Variants in CTNNA3 observed in about 807,000 individuals in gnomAD.
CTNNA3 encodes the protein catenin alpha-3.
Under a neutral mutation model 95.7 loss-of-function variants are expected in CTNNA3, and 76 were observed. The ratio of observed to expected loss-of-function variants is 0.79; its 90% CI spans 0.66 to 0.96. CTNNA3 has a LOEUF of 0.96. CTNNA3 is among the 40% of genes least tolerant of loss of function. The pLI, the probability that CTNNA3 is intolerant of heterozygous loss-of-function variation, is 0.00. For missense variants in CTNNA3, 1,191 were observed against 1,089.8 expected (o/e 1.09, Z -1.31); for synonymous variants, 431 against 374.4 (o/e 1.15, Z -1.74).
At chr10:67,010,267 T>C (rs1852235792) in intron 7 of CTNNA3, among the ~76,000 whole-genome samples, 1 of 152,226 alleles carries the variant, frequency 6.6e-6, no homozygotes, top group Non-Finnish European at 1.5e-5. Context: ...TAATTGTATG[T>C]AGGCAAATAT....
intron 13 of CTNNA3, among the ~76,000 whole-genome samples, chr10:66,108,111 T>C (rs939606526): frequency 5.3e-5 from 8 of 152,038 alleles, no homozygotes; most frequent in African/African-American, 9.7e-5. Context: ...GCTGAGGTAG[T>C]AACGTAGGAT....
At chr10:66,443,984 C>A (rs183337980) in intron 11 of CTNNA3, among the ~76,000 whole-genome samples, 9 of 152,004 alleles carry the variant, frequency 5.9e-5, no homozygotes, top group Non-Finnish European at 4.4e-5. Flanking sequence ...CTTAAAGGAG[C>A]TGATGGAGTT....
intron 7 of CTNNA3, among the ~76,000 whole-genome samples, chr10:66,870,115 C>G (rs1159546945): frequency 1.3e-5 from 2 of 152,120 alleles, no homozygotes; most frequent in Non-Finnish European, 2.9e-5. Flanking sequence ...CTTGGCCAAG[C>G]ACCTAGGCCA....
intron 14 of CTNNA3, among the ~76,000 whole-genome samples, chr10:66,082,721 C>G (rs1422845157): frequency 1.3e-5 from 2 of 151,888 alleles, no homozygotes; most frequent in Non-Finnish European, 2.9e-5. Context: ...AAAATTACTT[C>G]AAAATAAAAA....
chr10:66,349,774 T>C (rs1336300773), intron 12 of CTNNA3, among the ~76,000 whole-genome samples: 1 of 152,046 alleles, frequency 6.6e-6, no homozygotes, highest in African/African-American at 2.4e-5. Context: ...AATAAGGTGG[T>C]TTTATGGTCA....
At chr10:67,280,368 C>T (rs769755721) in intron 5 of CTNNA3, among the ~76,000 whole-genome samples, 1 of 141,812 alleles carries the variant, frequency 7.1e-6, no homozygotes, top group Non-Finnish European at 1.6e-5. Flanking sequence ...CATTTACAAG[C>T]TAATTTCTGT....
At chr10:66,191,263 A>C (rs1382545491) in intron 13 of CTNNA3, among the ~76,000 whole-genome samples, 5 of 152,128 alleles carry the variant, frequency 3.3e-5, no homozygotes, top group Non-Finnish European at 7.4e-5. Flanking sequence ...TTGGAACAGA[A>C]ATAAGGGTCT....
chr10:65,939,264 G>T (rs2077391048), intron 17 of CTNNA3, among the ~76,000 whole-genome samples: 1 of 152,108 alleles, frequency 6.6e-6, no homozygotes, highest in Non-Finnish European at 1.5e-5. Flanking sequence ...TTTGGCTACC[G>T]AATAATTTTT....
chr10:67,655,566 A>G (rs1190648897), intron 1 of CTNNA3, among the ~76,000 whole-genome samples: 1 of 152,202 alleles, frequency 6.6e-6, no homozygotes, highest in African/African-American at 2.4e-5. Context: ...CCAGCCTTCC[A>G]CTACAATCTC....
intron 15 of CTNNA3, among the ~76,000 whole-genome samples, chr10:66,024,801 T>C (rs1427639807): frequency 1.3e-5 from 2 of 152,010 alleles, no homozygotes; most frequent in Non-Finnish European, 2.9e-5. Context: ...CACGAGTAAA[T>C]AAAAGTATTG....
chr10:67,079,698 A>T (rs1310333706), intron 7 of CTNNA3, among the ~76,000 whole-genome samples: 1 of 151,966 alleles, frequency 6.6e-6, no homozygotes, highest in Non-Finnish European at 1.5e-5. Flanking sequence ...AAATGCAAAA[A>T]CTAGCCAGGC....
At chr10:67,383,338 A>G (rs1036724285) in intron 5 of CTNNA3, among the ~76,000 whole-genome samples, 1 of 152,214 alleles carries the variant, frequency 6.6e-6, no homozygotes, top group African/African-American at 2.4e-5. Flanking sequence ...AAGGCATTAC[A>G]TGCGTAATGC....
intron 1 of CTNNA3, among the ~76,000 whole-genome samples, chr10:67,687,183 T>C (rs928856080): frequency 6.6e-6 from 1 of 152,158 alleles, no homozygotes; most frequent in Non-Finnish European, 1.5e-5. Context: ...GAAATCAATT[T>C]CCTGGCCCTC....
rs34671813 is a variant in CTNNA3, at chr10:66,021,852, C to CTTTTTTTTT, written c.2160-33064_2160-33056dup. Reference sequence around the variant, plus strand: ...GGAAATTCCATATACAGGATCTTGGCTTTTTTTTTTTTTTTTAGATAGATA... The same window carrying CTTTTTTTTT: ...GGAAATTCCATATACAGGATCTTGGCTTTTTTTTTTTTTTTTTTTTTTTTTAGATAGATA... On this transcript the variant is annotated intron_variant, in intron 15 of 17. Transcript: ENST00000433211. Among the ~76,000 whole-genome samples, 112 of 75,920 alleles carry CTTTTTTTTT rather than the reference C, an allele frequency of 1.5e-3. 20 individuals are homozygous for CTTTTTTTTT. The highest frequency in any genetic ancestry group is 1.8e-3 in the Non-Finnish European group (73 of 40,956). The allele number at this position is 75,920 out of a possible 152,430, so 49.8% of individuals were successfully genotyped here. A position where few individuals can be genotyped will look rare whatever the true frequency, so the allele number is the denominator to read the frequency against.
rs530236965 is a variant in CTNNA3, at chr10:66,584,650, T to C, written c.1374+37042A>G. ...ATTTTTAAAATCCATTCTGTCAGTG[T>C]GCATCTTTTTAAAGTGGAGCATTTA... On this transcript the variant is annotated intron_variant, in intron 10 of 17. Transcript: ENST00000433211. 3.3e-5 allele frequency among the ~76,000 whole-genome samples: 5 copies of C among 151,994 alleles called. No homozygotes were observed. The South Asian group carries it at 1.0e-3, about 31-fold the overall frequency.
At chr10:67,661,801 C>G (rs771569025) in intron 1 of CTNNA3, among the ~76,000 whole-genome samples, 2 of 152,066 alleles carry the variant, frequency 1.3e-5, no homozygotes, top group African/African-American at 2.4e-5. Context: ...CATCATTAGT[C>G]ACTAGAGAAA....
intron 5 of CTNNA3, among the ~76,000 whole-genome samples, chr10:67,361,878 GA>G (rs2132672422): frequency 6.6e-6 from 1 of 151,764 alleles, no homozygotes; most frequent in South Asian, 2.1e-4. Context: ...CTGCTAGTCA[GA>G]AACAAAGAAA....
At chr10:67,206,127 G>A (rs1016961555) in intron 6 of CTNNA3, among the ~76,000 whole-genome samples, 5 of 152,144 alleles carry the variant, frequency 3.3e-5, no homozygotes, top group African/African-American at 1.2e-4. Flanking sequence ...TTGGATAAAG[G>A]CAATTAGTGA....
In CTNNA3 at chr10:66,709,014, C is replaced by A. The variant is rs192279895; in HGVS notation, c.1281+57250G>T. On this transcript the variant is annotated intron_variant, in intron 9 of 17. Coordinates refer to ENST00000433211, the MANE Select transcript of CTNNA3 (RefSeq NM_013266.4). ...CTCACCAAGTGATATACACTAGAAGCTTTTAGTGTGAAAACGTCTAGGCCC... is the reference window on the plus strand; with the variant it reads ...CTCACCAAGTGATATACACTAGAAGATTTTAGTGTGAAAACGTCTAGGCCC... Among the ~76,000 whole-genome samples, 244 of 152,204 alleles carry A rather than the reference C, an allele frequency of 1.6e-3. 1 individual carries two copies. Among genetic ancestry groups the A allele is most frequent in the African/African-American group, 5.6e-3 (231 of 41,534 alleles).
Sources: allele counts gnomAD v4.1 joint callset (sites outside exome capture counted in the v4.1 genomes callset), GRCh38; gene constraint gnomAD v4.1.1; transcripts MANE v1.5; gene names NCBI Gene and HGNC (gene_info 2026-07-23, HGNC 2026-07-21).